PACRG: variants seen among roughly 807,000 people sequenced by gnomAD.
PACRG encodes the protein parkin coregulated, also known as parkin coregulated gene protein.
A neutral mutation model predicts 29.7 loss-of-function variants in PACRG; 29 were observed. That is an observed-to-expected ratio of 0.98 (90% CI 0.73 to 1.33). PACRG has a LOEUF of 1.33. Ranked by LOEUF, PACRG falls within the 40% of genes most tolerant of loss-of-function variation. The probability of loss-of-function intolerance (pLI) is 0.00; values close to 1 mark genes in which losing one functional copy is unlikely to be tolerated. For synonymous variants in PACRG, 116 were observed against 118.7 expected (o/e 0.98, Z 0.15); for missense variants, 279 against 316.2 (o/e 0.88, Z 0.89).
At chr6:162,907,909 C>T (rs1380930128) in intron 2 of PACRG, among the ~76,000 whole-genome samples, 1 of 152,026 alleles carries the variant, frequency 6.6e-6, no homozygotes, top group South Asian at 2.1e-4. Context: ...ATGACACTGC[C>T]ATCTTCAAGG....
chr6:163,230,646 A>G (rs6455874), intron 4 of PACRG, among the ~76,000 whole-genome samples: 85,927 of 151,836 alleles, frequency 0.57, 24,993 homozygotes, highest in African/African-American at 0.7. Context: ...GTGTCCAACT[A>G]TGTGTCTATA....
chr6:163,075,298 C>G (rs1812443582), intron 3 of PACRG, among the ~76,000 whole-genome samples: 1 of 152,166 alleles, frequency 6.6e-6, no homozygotes, highest in Non-Finnish European at 1.5e-5. Context: ...GCTCACATAG[C>G]TTCACTGGTT....
At chr6:162,912,164 T>C (rs1186141108) in intron 2 of PACRG, among the ~76,000 whole-genome samples, 2 of 152,246 alleles carry the variant, frequency 1.3e-5, no homozygotes, top group African/African-American at 4.8e-5. Context: ...TTTTGTCTGT[T>C]GCTAATGCCT....
At chr6:163,218,057 T>G (rs544227298) in intron 4 of PACRG, among the ~76,000 whole-genome samples, 65 of 152,288 alleles carry the variant, frequency 4.3e-4, no homozygotes, top group African/African-American at 1.6e-3. Flanking sequence ...CTGGGGCCCC[T>G]GCCCTAGGAA....
At chr6:163,273,084 G>A (rs1263516187) in intron 4 of PACRG, among the ~76,000 whole-genome samples, 1 of 149,200 alleles carries the variant, frequency 6.7e-6, no homozygotes, top group Non-Finnish European at 1.5e-5. Context: ...TAGTAGAGAC[G>A]GGGTTTCACC....
At chr6:162,773,705 C>T (rs1373196703) in intron 1 of PACRG, among the ~76,000 whole-genome samples, 5 of 151,438 alleles carry the variant, frequency 3.3e-5, no homozygotes, top group South Asian at 2.1e-4. Flanking sequence ...TTAGTAGAGA[C>T]GGGGTTTCAC....
At chr6:162,995,498 G>C (rs1043906619) in intron 2 of PACRG, among the ~76,000 whole-genome samples, 1 of 152,164 alleles carries the variant, frequency 6.6e-6, no homozygotes, top group East Asian at 1.9e-4. Context: ...GGAGTGACCC[G>C]ATTTTCCAGG....
intron 4 of PACRG, among the ~76,000 whole-genome samples, chr6:163,276,632 C>T (rs942849798): frequency 3.3e-5 from 5 of 152,174 alleles, no homozygotes; most frequent in African/African-American, 1.2e-4. Context: ...TAATGTCCAA[C>T]GCAAAGTATT....
At chr6:163,296,964 A>G (rs751946657) in intron 4 of PACRG, among the ~76,000 whole-genome samples, 17 of 152,258 alleles carry the variant, frequency 1.1e-4, no homozygotes, top group Non-Finnish European at 2.1e-4. Context: ...GATCACATGT[A>G]CTGAACTATC....
chr6:162,876,231 C>CT (rs1187136590), intron 2 of PACRG, among the ~76,000 whole-genome samples: 1 of 152,196 alleles, frequency 6.6e-6, no homozygotes, highest in Non-Finnish European at 1.5e-5. Context: ...CTTTACACTA[C>CT]TGTGAAGCTT....
intron 4 of PACRG, among the ~76,000 whole-genome samples, chr6:163,214,823 T>A (rs997385711): frequency 6.6e-6 from 1 of 152,144 alleles, no homozygotes; most frequent in African/African-American, 2.4e-5. Flanking sequence ...TAAGTAGTTG[T>A]AGCAATGGTT....
intron 2 of PACRG, among the ~76,000 whole-genome samples, chr6:162,958,375 A>G (rs1800230183): frequency 6.6e-6 from 1 of 152,130 alleles, no homozygotes; most frequent in Admixed American, 6.5e-5. Context: ...CGTTTGTATG[A>G]CAGACTGTTG....
intron 4 of PACRG, among the ~76,000 whole-genome samples, chr6:163,105,921 T>A (rs1049446864): frequency 2.0e-5 from 3 of 152,180 alleles, no homozygotes. Flanking sequence ...TTTTTAAAAT[T>A]TTTAATGAGA....
Position 163,134,499 on chromosome 6 carries a change from A to G in PACRG, c.613+45091A>G, listed in dbSNP as rs544405307. 8.5e-5 allele frequency among the ~76,000 whole-genome samples: 13 copies of G among 152,316 alleles called. No individual in the cohort carries two copies. In the South Asian group the frequency reaches 2.7e-3, roughly 32 times the overall value. Reference sequence around the variant, plus strand: ...GTTCTGTACTATACTAAAGTTCTATACTAAAAGACACATATTTAGAGGAAG... The same window carrying G: ...GTTCTGTACTATACTAAAGTTCTATGCTAAAAGACACATATTTAGAGGAAG... On this transcript the variant is annotated intron_variant, in intron 4 of 4. Coordinates refer to ENST00000366888, the MANE Select transcript of PACRG (RefSeq NM_001080379.2).
intron 2 of PACRG, among the ~76,000 whole-genome samples, chr6:162,948,350 C>T (rs1036190983): frequency 3.3e-5 from 5 of 151,976 alleles, no homozygotes; most frequent in Non-Finnish European, 7.4e-5. Flanking sequence ...TTCAGAAGAA[C>T]GAAACTAGAC....
At chr6:163,257,432 C>A (rs1783156614) in intron 4 of PACRG, among the ~76,000 whole-genome samples, 1 of 152,148 alleles carries the variant, frequency 6.6e-6, no homozygotes, top group Non-Finnish European at 1.5e-5. Context: ...GAAATAGTTC[C>A]ATGAGACTAA....
At chr6:162,791,311 G>GTTTTTTTTTT (rs60664405) in intron 1 of PACRG, among the ~76,000 whole-genome samples, 9 of 128,810 alleles carry the variant, frequency 7.0e-5, no homozygotes, top group East Asian at 6.9e-4. Flanking sequence ...TTGTTTGTTT[G>GTTTTTTTTTT]TTTTTTTTTT....
intron 2 of PACRG, among the ~76,000 whole-genome samples, chr6:162,923,699 T>G (rs1753731860): frequency 2.0e-5 from 3 of 152,148 alleles, no homozygotes; most frequent in Admixed American, 2.0e-4. Flanking sequence ...CTCTCTATTA[T>G]GATGTTCCAT....
chr6:163,013,514 T>G (rs1159959040), intron 2 of PACRG, among the ~76,000 whole-genome samples: 1 of 150,660 alleles, frequency 6.6e-6, no homozygotes, highest in Non-Finnish European at 1.5e-5. Flanking sequence ...CCTTCTGAAG[T>G]TACCCTCAGA....
Sources: gnomAD v4.1 joint callset for allele counts (sites outside exome capture counted in the v4.1 genomes callset) on GRCh38, gnomAD v4.1.1 for gene constraint, MANE v1.5 for transcripts, NCBI Gene and HGNC (gene_info 2026-07-23, HGNC 2026-07-21) for gene names.